The following DOCK3 variants were observed in gnomAD, a reference collection of about 807,000 sequenced individuals.
The protein encoded by DOCK3 is dedicator of cytokinesis 3.
DOCK3 carries 60 observed loss-of-function variants against 265.6 expected under a neutral mutation model. The ratio of observed to expected loss-of-function variants is 0.23; its 90% CI spans 0.18 to 0.28. The LOEUF is 0.28. Ranked by LOEUF, DOCK3 falls within the 10% of genes least tolerant of loss-of-function variation. The probability of loss-of-function intolerance (pLI) is 1.00; values close to 1 mark genes in which losing one functional copy is unlikely to be tolerated. For synonymous variants in DOCK3, 881 were observed against 938.0 expected (o/e 0.94, Z 1.11); for missense variants, 1,981 against 2,594.3 (o/e 0.76, Z 5.14).
intron 51 of DOCK3, chr3:51,379,464 C>T (rs1054024047): frequency 1.9e-5 from 19 of 985,362 alleles, no homozygotes; most frequent in African/African-American, 3.5e-5. Context: ...CCAGCAGCCC[C>T]CAGCAGCTGG....
chr3:51,275,657 G>T (rs1335018984), intron 25 of DOCK3, among the ~76,000 whole-genome samples: 4 of 152,086 alleles, frequency 2.6e-5, no homozygotes, highest in African/African-American at 4.8e-5. Flanking sequence ...GCCAAATGAG[G>T]TCAGGGCATA....
intron 9 of DOCK3, among the ~76,000 whole-genome samples, chr3:51,100,071 C>T (rs1252411828): frequency 4.1e-5 from 6 of 144,874 alleles, no homozygotes; most frequent in Non-Finnish European, 9.1e-5. Flanking sequence ...AAAGCCTTTA[C>T]AGTGACCAGA....
chr3:50,707,240 A>AT (rs1210701554), intron 1 of DOCK3, among the ~76,000 whole-genome samples: 7 of 150,060 alleles, frequency 4.7e-5, no homozygotes, highest in East Asian at 4.2e-4. Flanking sequence ...TCATGCCACC[A>AT]GCCTGGCCAA....
At chr3:51,121,752 T>C (rs6446167) in intron 9 of DOCK3, among the ~76,000 whole-genome samples, 137,180 of 152,226 alleles carry the variant, frequency 0.9, 62,004 homozygotes, top group African/African-American at 0.95. Context: ...CTCTAGAGCA[T>C]GTACCAAACC....
chr3:50,699,451 G>A (rs1270210061), intron 1 of DOCK3, among the ~76,000 whole-genome samples: 2 of 97,640 alleles, frequency 2.0e-5, no homozygotes, highest in Non-Finnish European at 3.8e-5. Flanking sequence ...ATGTTGTTGG[G>A]CATTTTTTTT....
At chr3:51,120,572 A>G (rs941293714) in intron 9 of DOCK3, among the ~76,000 whole-genome samples, 3 of 152,194 alleles carry the variant, frequency 2.0e-5, no homozygotes, top group African/African-American at 7.2e-5. Flanking sequence ...CACACCTGCC[A>G]CTTCCCCCAG....
intron 5 of DOCK3, among the ~76,000 whole-genome samples, chr3:50,992,662 A>T (rs1261983749): frequency 6.6e-6 from 1 of 152,190 alleles, no homozygotes; most frequent in Non-Finnish European, 1.5e-5. Context: ...TTAAGAAAAG[A>T]GAGAAGATTT....
chr3:50,889,967 A>G, intron 3 of DOCK3, 59 bp from the exon 4 acceptor site: 2 of 1,276,116 alleles, frequency 1.6e-6, no homozygotes, highest in Non-Finnish European at 2.0e-6. Flanking sequence ...ATTTTTGTAT[A>G]TATGAAATGT....
At chr3:50,772,473 A>G (rs1414896961) in intron 1 of DOCK3, among the ~76,000 whole-genome samples, 1 of 152,212 alleles carries the variant, frequency 6.6e-6, no homozygotes, top group Non-Finnish European at 1.5e-5. Context: ...CTCAAAGGAT[A>G]AATGCTTGAG....
chr3:51,310,501 T>A (rs1193808524), intron 28 of DOCK3, among the ~76,000 whole-genome samples, 175 bp downstream of exon 28: 3 of 152,216 alleles, frequency 2.0e-5, no homozygotes, highest in East Asian at 3.8e-4. Flanking sequence ...GATGGCACAG[T>A]AAGGATAGAG....
chr3:50,733,761 ATT>A (rs11341145), intron 1 of DOCK3, among the ~76,000 whole-genome samples: 34 of 151,576 alleles, frequency 2.2e-4, no homozygotes, highest in East Asian at 9.7e-4. Context: ...CCTTTTGTTA[ATT>A]TTTTTTTAAC....
At chr3:51,312,638 G>C (rs2083145929) in intron 30 of DOCK3, 62 bp downstream of exon 30, 1 of 1,459,934 alleles carries the variant, frequency 6.8e-7, no homozygotes, top group South Asian at 1.4e-5. Flanking sequence ...ATGTTTCGTT[G>C]AGAGTTCTTT....
Position 50,698,517 on chromosome 3 carries a change from G to GTTTTTTTTTT in DOCK3, c.37+23233_37+23242dup. Among the ~76,000 whole-genome samples the GTTTTTTTTTT allele has an allele frequency of 1.3e-3, 25 of 19,514 alleles. 8 individuals are homozygous for GTTTTTTTTTT. The highest frequency in any genetic ancestry group is 2.0e-3 in the Non-Finnish European group (17 of 8,462). 12.8% of individuals were successfully genotyped at this position (19,514 alleles called of 152,430 possible). On this transcript the variant is annotated intron_variant, in intron 1 of 52. Coordinates refer to ENST00000266037, the MANE Select transcript of DOCK3 (RefSeq NM_004947.5). ...GTTTCTCTGTGGATGTATGTTTTTG[G>GTTTTTTTTTT]TTTTTTTTTTTTTTTTTTTTTTTTT...
At chr3:50,964,217 A>G (rs932300255) in intron 5 of DOCK3, among the ~76,000 whole-genome samples, 8 of 152,342 alleles carry the variant, frequency 5.3e-5, no homozygotes, top group Middle Eastern at 3.4e-3. Context: ...CTATTTCCAA[A>G]TGGTTTAACT....
At chr3:50,779,664 G>A (rs1447701762) in intron 2 of DOCK3, among the ~76,000 whole-genome samples, 2 of 152,182 alleles carry the variant, frequency 1.3e-5, no homozygotes, top group Non-Finnish European at 1.5e-5. Flanking sequence ...GATTACAGGC[G>A]TGAGCCACTG....
intron 1 of DOCK3, among the ~76,000 whole-genome samples, chr3:50,744,092 T>G (rs2039262326): frequency 6.6e-6 from 1 of 152,236 alleles, no homozygotes; most frequent in South Asian, 2.1e-4. Flanking sequence ...TATCTTTTAT[T>G]AAAGTCCTTT....
chr3:51,295,160 T>TGAG (rs1193287998), intron 27 of DOCK3, among the ~76,000 whole-genome samples: 1 of 152,228 alleles, frequency 6.6e-6, no homozygotes, highest in African/African-American at 2.4e-5. Flanking sequence ...GGCTGATTAG[T>TGAG]TTATAAAGAA....
intron 27 of DOCK3, among the ~76,000 whole-genome samples, chr3:51,301,003 G>A (rs2082334659): frequency 6.6e-6 from 1 of 152,138 alleles, no homozygotes; most frequent in Admixed American, 6.6e-5. Flanking sequence ...TATACCTCTG[G>A]TAGAATTCAG....
intron 27 of DOCK3, among the ~76,000 whole-genome samples, chr3:51,308,945 G>A (rs1486258623): frequency 1.3e-5 from 2 of 152,002 alleles, no homozygotes; most frequent in African/African-American, 2.4e-5. Context: ...CCTCCCAGAC[G>A]GGGTCGCGGC....
Sources: allele counts gnomAD v4.1 joint callset (sites outside exome capture counted in the v4.1 genomes callset), GRCh38; gene constraint gnomAD v4.1.1; transcripts MANE v1.5; gene names NCBI Gene and HGNC (gene_info 2026-07-23, HGNC 2026-07-21).